GPM6A: variants seen among roughly 807,000 people sequenced by gnomAD.
The protein encoded by GPM6A is glycoprotein M6A.
Under a neutral mutation model 32.1 loss-of-function variants are expected in GPM6A, and 7 were observed. The observed-to-expected ratio is 0.22, with a 90% CI of 0.12 to 0.41. The LOEUF is 0.41. Among genes scored for constraint, GPM6A ranks in the 10% least tolerant of loss-of-function variants. GPM6A has a pLI of 1.00. For synonymous variants in GPM6A, 130 were observed against 123.4 expected (o/e 1.05, Z -0.35); for missense variants, 235 against 347.2 (o/e 0.68, Z 2.57).
intron 1 of GPM6A, among the ~76,000 whole-genome samples, chr4:175,964,300 AAC>A (rs1343301214): frequency 2.9e-4 from 10 of 34,364 alleles, no homozygotes; most frequent in Non-Finnish European, 1.4e-3. Context: ...ACAAACAAAC[AAC>A]AACAACAACA....
At chr4:175,894,259 G>T (rs1261429378) in intron 1 of GPM6A, among the ~76,000 whole-genome samples, 1 of 152,036 alleles carries the variant, frequency 6.6e-6, no homozygotes, top group African/African-American at 2.4e-5. Flanking sequence ...GAAAAAAAAG[G>T]AAAAGTGATA....
At chr4:175,636,980 A>C (rs1336253178) in intron 6 of GPM6A, among the ~76,000 whole-genome samples, 2 of 137,088 alleles carry the variant, frequency 1.5e-5, no homozygotes, top group Non-Finnish European at 3.1e-5. Context: ...TTATATATGT[A>C]AATATATATA....
chr4:175,726,851 C>T (rs567432053), intron 1 of GPM6A, among the ~76,000 whole-genome samples: 4 of 152,082 alleles, frequency 2.6e-5, no homozygotes, highest in African/African-American at 9.6e-5. Context: ...CAAAAATTAG[C>T]CGGGTGTGTT....
chr4:175,885,933 T>G (rs1392116253), intron 1 of GPM6A, among the ~76,000 whole-genome samples: 3 of 152,010 alleles, frequency 2.0e-5, no homozygotes, highest in Non-Finnish European at 4.4e-5. Context: ...CATAAGAAAT[T>G]TAAGGGAGTT....
intron 1 of GPM6A, among the ~76,000 whole-genome samples, chr4:175,875,481 A>T (rs1737053315): frequency 6.6e-6 from 1 of 152,222 alleles, no homozygotes. Flanking sequence ...AAGAATCACT[A>T]GTGGCACTGA....
chr4:175,925,463 T>G (rs1425366645), intron 1 of GPM6A, among the ~76,000 whole-genome samples: 2 of 152,220 alleles, frequency 1.3e-5, no homozygotes, highest in African/African-American at 4.8e-5. Context: ...ATTTAATTCT[T>G]AAAATGATTT....
rs1491524356 is a variant in GPM6A, at chr4:175,637,256, TAAA to T, written c.685-2202_685-2200del. Reference sequence around the variant, plus strand: ...TATATATTATATATTATATATAATATAAAATATATATTATATATTATATATTAT... The same window carrying T: ...TATATATTATATATTATATATAATATATATATATTATATATTATATATTAT... On this transcript the variant is annotated intron_variant, in intron 6 of 6. Transcript: ENST00000393658. Among the ~76,000 whole-genome samples, 13 of 28,656 alleles carry T rather than the reference TAAA, an allele frequency of 4.5e-4. 2 individuals are homozygous for T. The East Asian group carries it at 0.013, about 28-fold the overall frequency. The allele number at this position is 28,656 out of a possible 152,430, so 18.8% of individuals were successfully genotyped here. A position where few individuals can be genotyped will look rare whatever the true frequency, so the allele number is the denominator to read the frequency against.
chr4:175,918,809 T>A (rs1470948312), intron 1 of GPM6A, among the ~76,000 whole-genome samples: 2 of 152,176 alleles, frequency 1.3e-5, no homozygotes, highest in Non-Finnish European at 2.9e-5. Flanking sequence ...ATATCACATG[T>A]TTTATCTTAT....
intron 1 of GPM6A, among the ~76,000 whole-genome samples, chr4:175,866,957 T>A (rs1056509653): frequency 2.0e-5 from 3 of 152,206 alleles, no homozygotes; most frequent in Non-Finnish European, 4.4e-5. Flanking sequence ...TTTTGGACAT[T>A]CTACCAGGTA....
At chr4:175,969,828 G>A (rs1227193012) in intron 1 of GPM6A, among the ~76,000 whole-genome samples, 2 of 152,134 alleles carry the variant, frequency 1.3e-5, no homozygotes, top group Non-Finnish European at 2.9e-5. Context: ...GGGATGCAGG[G>A]TAAATAGAAC....
intron 2 of GPM6A, among the ~76,000 whole-genome samples, chr4:175,685,776 T>C (rs544440871): frequency 2.0e-5 from 3 of 152,262 alleles, no homozygotes; most frequent in African/African-American, 7.2e-5. Flanking sequence ...TTGTGTAATA[T>C]TCTGGGTTTA....
At chr4:175,717,063 C>A (rs924817348) in intron 1 of GPM6A, among the ~76,000 whole-genome samples, 1 of 152,132 alleles carries the variant, frequency 6.6e-6, no homozygotes, top group African/African-American at 2.4e-5. Context: ...TACCATTATA[C>A]TTTCCACACA....
chr4:175,787,508 T>C, intron 1 of GPM6A: 2 of 1,466,530 alleles, frequency 1.4e-6, no homozygotes, highest in Non-Finnish European at 1.8e-6. Context: ...GTCCTTTTTG[T>C]TCCACCTTTA....
Position 175,772,400 on chromosome 4 carries a change from G to A in GPM6A, c.37+39791C>T, listed in dbSNP as rs114072527. ...AAGAGCAATGTGAGAGAAGAATGTC[G>A]CATGCTTGCAAGAGTGTATCACTGA... is the stretch of plus-strand genomic sequence containing the variant. On this transcript the variant is annotated intron_variant, in intron 1 of 6. Transcript: ENST00000393658. Among the ~76,000 whole-genome samples the A allele has an allele frequency of 3.8e-3, 583 of 152,210 alleles. 2 individuals carry two copies. Among genetic ancestry groups the A allele is most frequent in the African/African-American group, 0.012 (506 of 41,542 alleles).
At chr4:175,900,812 A>G (rs902609366) in intron 1 of GPM6A, among the ~76,000 whole-genome samples, 12 of 152,204 alleles carry the variant, frequency 7.9e-5, no homozygotes, top group African/African-American at 2.9e-4. Flanking sequence ...TCAAAGAGAT[A>G]GCTGCACTCC....
chr4:175,725,257 G>A (rs1442109494), intron 1 of GPM6A, among the ~76,000 whole-genome samples: 4 of 150,984 alleles, frequency 2.6e-5, no homozygotes, highest in African/African-American at 7.3e-5. Context: ...AAAGAATAGA[G>A]CTATATTGTC....
At chr4:175,754,335 G>A (rs1298269849) in intron 1 of GPM6A, among the ~76,000 whole-genome samples, 1 of 152,048 alleles carries the variant, frequency 6.6e-6, no homozygotes, top group Admixed American at 6.6e-5. Context: ...GAGGGATTAA[G>A]GTATTGAAAG....
chr4:175,929,064 G>T (rs1024477174), intron 1 of GPM6A, among the ~76,000 whole-genome samples: 13 of 152,238 alleles, frequency 8.5e-5, no homozygotes, highest in African/African-American at 3.1e-4. Flanking sequence ...GGTTTATGTG[G>T]AATAAATAAG....
intron 1 of GPM6A, among the ~76,000 whole-genome samples, chr4:175,778,891 T>C (rs1733504048): frequency 6.6e-6 from 1 of 150,772 alleles, no homozygotes; most frequent in Non-Finnish European, 1.5e-5. Flanking sequence ...TATAATCACA[T>C]ATTGATAGCT....
Sources: gnomAD v4.1 joint callset for allele counts (sites outside exome capture counted in the v4.1 genomes callset) on GRCh38, gnomAD v4.1.1 for gene constraint, MANE v1.5 for transcripts, NCBI Gene and HGNC (gene_info 2026-07-23, HGNC 2026-07-21) for gene names.